The following ZNF69 variants were observed in gnomAD, a reference collection of about 807,000 sequenced individuals.
ZNF69 encodes zinc finger protein 69.
ZNF69 carries 47 observed loss-of-function variants against 50.9 expected under a neutral mutation model. That is an observed-to-expected ratio of 0.92 (90% CI 0.73 to 1.18). The LOEUF (loss-of-function observed/expected upper bound fraction) is 1.18. ZNF69 is among the 50% of genes most tolerant of loss of function. ZNF69 has a pLI of 0.00. For missense variants in ZNF69, 717 were observed against 675.1 expected (o/e 1.06, Z -0.69); for synonymous variants, 216 against 223.1 (o/e 0.97, Z 0.29).
At chr19:11,941,995 T>C in the ZNF69 span, among the ~76,000 whole-genome samples, 1 of 152,136 alleles carries the variant, frequency 6.6e-6, no homozygotes, top group Admixed American at 6.6e-5. Flanking sequence ...TGGTATCTCT[T>C]AGGAGTTTCT....
At chr19:11,942,819 A>G in the ZNF69 span, among the ~76,000 whole-genome samples, 6 of 152,180 alleles carry the variant, frequency 3.9e-5, no homozygotes, top group African/African-American at 1.2e-4. Context: ...CTGTCTGACT[A>G]TTGATCTCAT....
At chr19:11,901,978 C>CT (rs58505422) in intron 1 of ZNF69, among the ~76,000 whole-genome samples, 6,109 of 119,104 alleles carry the variant, frequency 0.051, 255 homozygotes, top group Non-Finnish European at 0.062. Context: ...ATGTTATTTT[C>CT]TTTTTTTTTT....
At position 11,905,596 on chromosome 19, in the gene ZNF69, C is replaced by T; in HGVS notation, c.1199C>T (p.Ser400Phe). Residue 400 changes from serine (S) to phenylalanine (F), a missense_variant, in exon 4 of 4, where the codon TCC (serine) becomes TTC (phenylalanine). Ser to Phe is a radical substitution (Grantham distance 155, BLOSUM62 -2). Transcript: ENST00000429654. ...CAATGTGGTAAAGCCTTCATTCATT[C>T]CAGTTCCCTTCGTTATCATGAAAGG... ...CKQCGKAFIH[S>F]SSLRYHERIH... 1 of 1,613,760 alleles carries T rather than the reference C, an allele frequency of 6.2e-7. No individual in the cohort carries two copies. Among genetic ancestry groups the T allele is most frequent in the South Asian group, 1.1e-5 (1 of 91,048 alleles).
chr19:11,953,750 C>T, the ZNF69 span, among the ~76,000 whole-genome samples: 1 of 152,154 alleles, frequency 6.6e-6, no homozygotes. Flanking sequence ...CAGGGGCCTT[C>T]CCCAGAGGCC....
chr19:11,909,962 C>G (rs975604475), downstream of ZNF69, among the ~76,000 whole-genome samples: 21 of 151,098 alleles, frequency 1.4e-4, no homozygotes, highest in African/African-American at 4.9e-4. Context: ...TGATAAGCAA[C>G]TTCAGCAAAG....
the ZNF69 span, chr19:11,950,227 A>G: frequency 6.2e-7 from 1 of 1,611,978 alleles, no homozygotes; most frequent in Non-Finnish European, 8.5e-7. Flanking sequence ...ATATGAATGT[A>G]AGGATTGTGG....
the ZNF69 span, chr19:11,925,375 G>A: frequency 6.1e-5 from 94 of 1,548,888 alleles, no homozygotes; most frequent in Non-Finnish European, 8.2e-5. Flanking sequence ...GGCGACTCCG[G>A]GGTCTGGGAC....
At chr19:11,976,892 A>G in the ZNF69 span, 1 of 1,512,208 alleles carries the variant, frequency 6.6e-7, no homozygotes. Context: ...GCTTTATGGA[A>G]GAAAGTACAG....
the ZNF69 span, among the ~76,000 whole-genome samples, chr19:11,951,364 G>A: frequency 6.6e-6 from 1 of 151,304 alleles, no homozygotes; most frequent in South Asian, 2.1e-4. Flanking sequence ...GAGTAGCTGG[G>A]ACTACAGGCG....
the ZNF69 span, among the ~76,000 whole-genome samples, chr19:11,962,168 A>C: frequency 6.6e-6 from 1 of 151,940 alleles, no homozygotes; most frequent in Non-Finnish European, 1.5e-5. Flanking sequence ...CTGTAATCCC[A>C]GCACTTGGGA....
chr19:11,933,504 C>G, the ZNF69 span, among the ~76,000 whole-genome samples: 1 of 147,822 alleles, frequency 6.8e-6, no homozygotes, highest in Non-Finnish European at 1.5e-5. Context: ...ATCCCCTGTG[C>G]TCTTCCTAAT....
At chr19:11,957,615 T>C in the ZNF69 span, among the ~76,000 whole-genome samples, 1 of 151,938 alleles carries the variant, frequency 6.6e-6, no homozygotes, top group Non-Finnish European at 1.5e-5. Context: ...GAGGCTGAGA[T>C]GGGCAGATCA....
the ZNF69 span, among the ~76,000 whole-genome samples, chr19:11,927,962 TTA>T: frequency 1.7e-3 from 252 of 152,264 alleles, 3 homozygotes; most frequent in Non-Finnish European, 7.8e-4. Flanking sequence ...TGTAACAGGA[TTA>T]TGTTTTCCAT....
At chr19:11,975,611 T>C in the ZNF69 span, among the ~76,000 whole-genome samples, 1 of 151,832 alleles carries the variant, frequency 6.6e-6, no homozygotes, top group Non-Finnish European at 1.5e-5. Context: ...GTCGATCTCC[T>C]GACCTCGTGA....
At chr19:11,937,490 C>CTTTTTTTTTTTTT in the ZNF69 span, among the ~76,000 whole-genome samples, 1 of 129,012 alleles carries the variant, frequency 7.8e-6, no homozygotes, top group African/African-American at 3.1e-5. Flanking sequence ...TTTTTCTTTC[C>CTTTTTTTTTTTTT]TTTTTTTTTT....
the ZNF69 span, among the ~76,000 whole-genome samples, chr19:11,971,613 G>A: frequency 6.6e-6 from 1 of 152,086 alleles, no homozygotes; most frequent in East Asian, 1.9e-4. Flanking sequence ...ATTTCAAAGA[G>A]GTTACATCAT....
the ZNF69 span, among the ~76,000 whole-genome samples, chr19:11,969,523 T>TC: frequency 2.6e-5 from 4 of 152,228 alleles, no homozygotes; most frequent in Non-Finnish European, 5.9e-5. Context: ...ATTAGTAATT[T>TC]TCACGAGTTG....
intron 4 of ZNF69, among the ~76,000 whole-genome samples, chr19:11,912,453 A>G (rs993062552): frequency 6.6e-6 from 1 of 152,218 alleles, no homozygotes; most frequent in Non-Finnish European, 1.5e-5. Flanking sequence ...TATGAAGGCA[A>G]GCAATGTGGC....
chr19:11,976,555 C>CAAA, the ZNF69 span, among the ~76,000 whole-genome samples: 1,884 of 73,732 alleles, frequency 0.026, 90 homozygotes, highest in African/African-American at 0.085. Context: ...GACTCTGTCT[C>CAAA]AAAAAAAAAA....
Sources: gnomAD v4.1 joint callset for allele counts (sites outside exome capture counted in the v4.1 genomes callset) on GRCh38, gnomAD v4.1.1 for gene constraint, MANE v1.5 for transcripts, NCBI Gene and HGNC (gene_info 2026-07-23, HGNC 2026-07-21) for gene names.